The following SLC25A13 variants were observed in gnomAD, a reference collection of about 807,000 sequenced individuals.
The protein encoded by SLC25A13 is solute carrier family 25 member 13, also known as electrogenic aspartate/glutamate antiporter SLC25A13, mitochondrial.
SLC25A13 carries 70 observed loss-of-function variants against 85.5 expected under a neutral mutation model. The observed-to-expected ratio is 0.82, with a 90% CI of 0.68 to 1.00. The LOEUF is 1.00. Among genes scored for constraint, SLC25A13 ranks in the 50% least tolerant of loss-of-function variants. SLC25A13 has a pLI of 0.00. For synonymous variants in SLC25A13, 259 were observed against 288.7 expected (o/e 0.90, Z 1.04); for missense variants, 765 against 819.8 (o/e 0.93, Z 0.82).
chr7:96,258,300 A>T (rs189373442), intron 3 of SLC25A13, among the ~76,000 whole-genome samples: 56 of 152,312 alleles, frequency 3.7e-4, no homozygotes, highest in African/African-American at 1.3e-3. Context: ...ACATGACATG[A>T]TTGCATATTT....
chr7:96,182,790 T>C (rs1256073011), intron 11 of SLC25A13, among the ~76,000 whole-genome samples: 1 of 152,200 alleles, frequency 6.6e-6, no homozygotes, highest in African/African-American at 2.4e-5. Flanking sequence ...TTAAAGACAC[T>C]GAGCAGTGTT....
At chr7:96,252,833 C>T (rs184429590) in intron 3 of SLC25A13, among the ~76,000 whole-genome samples, 2 of 152,266 alleles carry the variant, frequency 1.3e-5, no homozygotes, top group East Asian at 1.9e-4. Context: ...GTGGGTCACA[C>T]CTGTAATCCC....
At position 96,272,052 on chromosome 7, in the gene SLC25A13, A is replaced by C. The variant is rs1487293273; in HGVS notation, c.212+5144T>G. On this transcript the variant is annotated intron_variant, in intron 3 of 17. Coordinates refer to ENST00000265631, the MANE Select transcript of SLC25A13 (RefSeq NM_014251.3). ...AGGTTACGGCCACCATGCCTGGCTAATTTTTTTGTATTTTTAGTAGAGATG... is the reference window on the plus strand; with the variant it reads ...AGGTTACGGCCACCATGCCTGGCTACTTTTTTTGTATTTTTAGTAGAGATG... 2.6e-5 allele frequency among the ~76,000 whole-genome samples: 4 copies of C among 151,752 alleles called. No individual in the cohort carries two copies. The East Asian group carries it at 7.8e-4, about 29-fold the overall frequency.
intron 9 of SLC25A13, among the ~76,000 whole-genome samples, chr7:96,189,041 A>G (rs1210661956): frequency 6.6e-6 from 1 of 152,232 alleles, no homozygotes; most frequent in Non-Finnish European, 1.5e-5. Flanking sequence ...ATGTTTTCGG[A>G]GCATTAGGCT....
At chr7:96,279,279 A>C (rs551852586) in intron 2 of SLC25A13, among the ~76,000 whole-genome samples, 1 of 152,320 alleles carries the variant, frequency 6.6e-6, no homozygotes, top group Admixed American at 6.5e-5. Flanking sequence ...GAGTGTATAG[A>C]ATTTTTTTCT....
In SLC25A13 at chr7:96,170,072, A is replaced by T; in HGVS notation, c.1284T>A (p.Leu428=). The change falls in exon 13 of 18, where the codon CTT becomes CTA. Residue 428 remains leucine, a synonymous_variant. Transcript: ENST00000265631. Reference sequence around the variant, plus strand: ...AGCCTCCAGCAAGAATTTCTGCTGCAAGTGGGACCGAACCATCTTTGTGCA... The same window carrying T: ...AGCCTCCAGCAAGAATTTCTGCTGCTAGTGGGACCGAACCATCTTTGTGCA... The part of the protein sequence containing the change: ...KFMHKDGSVP[L]AAEILAGGCA... The T allele has an allele frequency of 6.2e-7, 1 of 1,614,214 alleles. No homozygotes were observed. Among genetic ancestry groups the T allele is most frequent in the Non-Finnish European group, 8.5e-7 (1 of 1,180,028 alleles).
At chr7:96,192,881 A>G (rs1247904249) in intron 6 of SLC25A13, among the ~76,000 whole-genome samples, 156 bp downstream of exon 6, 1 of 152,154 alleles carries the variant, frequency 6.6e-6, no homozygotes, top group Non-Finnish European at 1.5e-5. Context: ...AAACTAGCCA[A>G]AACACACTCT....
chr7:96,285,795 C>T (rs1188690714), intron 2 of SLC25A13, among the ~76,000 whole-genome samples: 2 of 152,148 alleles, frequency 1.3e-5, no homozygotes, highest in African/African-American at 2.4e-5. Flanking sequence ...CACAGAGTTT[C>T]CTGGTGTTTT....
At chr7:96,232,384 GA>G (rs1796573406) in intron 4 of SLC25A13, among the ~76,000 whole-genome samples, 1 of 152,128 alleles carries the variant, frequency 6.6e-6, no homozygotes, top group African/African-American at 2.4e-5. Flanking sequence ...GGAGCTAAGT[GA>G]TAAGAACACA....
intron 5 of SLC25A13, among the ~76,000 whole-genome samples, chr7:96,197,138 T>C (rs1220113983): frequency 6.6e-6 from 1 of 152,174 alleles, no homozygotes; most frequent in African/African-American, 2.4e-5. Context: ...TTCACTCAAC[T>C]GCATGGGGAA....
At chr7:96,235,667 CTGA>C (rs1259341998) in intron 3 of SLC25A13, among the ~76,000 whole-genome samples, 1 of 152,120 alleles carries the variant, frequency 6.6e-6, no homozygotes, top group African/African-American at 2.4e-5. Context: ...TACAGGGAAA[CTGA>C]TGAGTGACAG....
At chr7:96,154,298 T>TC (rs1420099176) in intron 13 of SLC25A13, among the ~76,000 whole-genome samples, 2 of 151,052 alleles carry the variant, frequency 1.3e-5, no homozygotes, top group African/African-American at 4.9e-5. Flanking sequence ...GAGTGTCTTT[T>TC]TTTTTTTTTT....
intron 5 of SLC25A13, among the ~76,000 whole-genome samples, chr7:96,199,342 T>C (rs1015958518): frequency 1.9e-4 from 29 of 152,176 alleles, no homozygotes; most frequent in African/African-American, 6.3e-4. Flanking sequence ...CCACAGTGCA[T>C]ACAAAGAGCA....
At chr7:96,234,499 G>C (rs1796670955) in intron 4 of SLC25A13, among the ~76,000 whole-genome samples, 1 of 151,766 alleles carries the variant, frequency 6.6e-6, no homozygotes, top group African/African-American at 2.4e-5. Context: ...GATGATGCAG[G>C]GAAGAAACAG....
chr7:96,223,131 T>C (rs1796197600), intron 4 of SLC25A13, among the ~76,000 whole-genome samples: 1 of 151,604 alleles, frequency 6.6e-6, no homozygotes, highest in African/African-American at 2.4e-5. Flanking sequence ...CAAACAACCA[T>C]AGCCATTCAC....
At chr7:96,301,740 C>G (rs1799556099) in intron 1 of SLC25A13, among the ~76,000 whole-genome samples, 2 of 151,828 alleles carry the variant, frequency 1.3e-5, no homozygotes, top group Admixed American at 6.6e-5. Context: ...GCAATCCTCC[C>G]ACCTCAGCCT....
Position 96,178,569 on chromosome 7 carries a change from C to T in SLC25A13, c.1177+5708G>A, listed in dbSNP as rs183935490. Among the ~76,000 whole-genome samples, 14 of 152,282 alleles carry T rather than the reference C, an allele frequency of 9.2e-5. No homozygotes were observed. In the East Asian group the frequency reaches 2.7e-3, roughly 29 times the overall value. On this transcript the variant is annotated intron_variant, in intron 11 of 17. Coordinates refer to ENST00000265631, the MANE Select transcript of SLC25A13 (RefSeq NM_014251.3). ...TCTAGTTTCCACCTGGTAGCAACCC[C>T]TCCGATGTCAAATTCTTACCCTTCT...
chr7:96,202,431 G>A (rs1795294459), intron 5 of SLC25A13, among the ~76,000 whole-genome samples: 1 of 152,180 alleles, frequency 6.6e-6, no homozygotes, highest in African/African-American at 2.4e-5. Context: ...TATTTGATGA[G>A]AAGCCATTAG....
chr7:96,223,989 C>A (rs1796234926), intron 4 of SLC25A13, among the ~76,000 whole-genome samples: 1 of 152,062 alleles, frequency 6.6e-6, no homozygotes, highest in Admixed American at 6.6e-5. Context: ...ACCCACACAT[C>A]CACACAGGTA....
Sources: gnomAD v4.1 joint callset for allele counts (sites outside exome capture counted in the v4.1 genomes callset) on GRCh38, gnomAD v4.1.1 for gene constraint, MANE v1.5 for transcripts, NCBI Gene and HGNC (gene_info 2026-07-23, HGNC 2026-07-21) for gene names.